The following INHBE variants were observed in gnomAD, a reference collection of about 807,000 sequenced individuals.
The protein encoded by INHBE is inhibin beta E chain.
In INHBE, 19 loss-of-function variants were observed where a neutral mutation model predicts 27.8. That is an observed-to-expected ratio of 0.68 (90% confidence interval 0.48 to 1.00). The LOEUF is 1.00. INHBE is among the 50% of genes least tolerant of loss of function. The probability of loss-of-function intolerance (pLI) is 0.00; values close to 1 mark genes in which losing one functional copy is unlikely to be tolerated. For missense variants in INHBE, 398 were observed against 433.9 expected (o/e 0.92, Z 0.73); for synonymous variants, 196 against 187.2 (o/e 1.05, Z -0.38).
chr12:57,456,332 G>A lies in INHBE; in HGVS notation c.537G>A (p.Arg179=). The A allele has an allele frequency of 1.2e-6, 2 of 1,614,152 alleles. No homozygotes were observed. Among genetic ancestry groups the A allele is most frequent in the Non-Finnish European group, 1.7e-6 (2 of 1,180,030 alleles). ...HTLTLPSSGL[R]GEKSGVLKLQ... is the part of the protein sequence containing the mutation. ...TAACTCTGCCCTCTAGTGGCTTGAG[G>A]GGTGAGAAGTCTGGTGTCCTGAAAC... The change falls in exon 2 of 2, where the codon AGG becomes AGA. Residue 179 remains arginine, a synonymous_variant. Transcript: ENST00000266646.
At position 57,455,636 on chromosome 12, in the gene INHBE, C is replaced by G; in HGVS notation, c.100C>G (p.Leu34Val). The part of the protein sequence containing the change: ...SVCPSCGGSK[L>V]APQAERALVL... ...GTGTCCCTCCTGTGGGGGCTCCAAA[C>G]TGGCACCCCAAGCAGAACGAGCTCT... Residue 34 changes from leucine (L) to valine (V), a missense_variant, in exon 1 of 2, where the codon CTG becomes GTG. Physicochemically the swap from Leu to Val is conservative, Grantham distance 32. Transcript: ENST00000266646. The G allele has an allele frequency of 6.2e-7, 1 of 1,614,082 alleles. No homozygotes were observed. Among genetic ancestry groups the G allele is most frequent in the South Asian group, 1.1e-5 (1 of 91,070 alleles).
At position 57,455,972 on chromosome 12, in the gene INHBE, A is replaced by G. The variant is rs1724704317; in HGVS notation, c.299-122A>G. The G allele has an allele frequency of 6.4e-6, 9 of 1,396,326 alleles. No individual in the cohort carries two copies. The South Asian group carries it at 9.2e-5, about 14-fold the overall frequency. 86.5% of individuals were successfully genotyped at this position (1,396,326 alleles called of 1,614,324 possible). A position where few individuals can be genotyped will look rare whatever the true frequency, so the allele number is the denominator to read the frequency against. Reference sequence around the variant, plus strand: ...GGCAGGGACTGGTTGCAGAGGACACAAAGCAGTCTCTACTTTTCTAGAGGT... The same window carrying G: ...GGCAGGGACTGGTTGCAGAGGACACGAAGCAGTCTCTACTTTTCTAGAGGT... On this transcript the variant is annotated intron_variant, in intron 1 of 1. Transcript: ENST00000266646.
At position 57,456,714 on chromosome 12, in the gene INHBE, C is replaced by A. The variant is rs753750949; in HGVS notation, c.919C>A (p.Pro307Thr). Reference sequence around the variant, plus strand: ...CTTCAGCCTCCTCAAAGCCAACAATCCTTGGCCTGCCAGTACCTCCTGTTG... The same window carrying A: ...CTTCAGCCTCCTCAAAGCCAACAATACTTGGCCTGCCAGTACCTCCTGTTG... Reference protein sequence around the residue: ...AVFSLLKANNPWPASTSCCVP... With the variant: ...AVFSLLKANNTWPASTSCCVP... Residue 307 changes from proline (P) to threonine (T), a missense_variant, in exon 2 of 2, where the codon CCT (proline) becomes ACT (threonine). Transcript: ENST00000266646. 1 of 1,614,240 alleles carries A rather than the reference C, an allele frequency of 6.2e-7. No homozygotes were observed. Among genetic ancestry groups the A allele is most frequent in the South Asian group, 1.1e-5 (1 of 91,086 alleles).
rs769702343 is a variant in INHBE at position 57,456,414 on chromosome 12, C to A, written c.619C>A (p.Arg207=). The change falls in exon 2 of 2, where the codon CGG becomes AGG. Residue 207 remains arginine (R), a synonymous_variant. Transcript: ENST00000266646. ...CAGCACAGTTACTGGACAACCGAGGCGGCTCTTGGACACAGCAGGACACCA... is the reference window on the plus strand; with the variant it reads ...CAGCACAGTTACTGGACAACCGAGGAGGCTCTTGGACACAGCAGGACACCA... ...GNSTVTGQPR[R]LLDTAGHQQP... 3.1e-6 allele frequency: 5 copies of A among 1,614,006 alleles called. No individual in the cohort carries two copies. The African/African-American group carries it at 5.3e-5, about 17-fold the overall frequency.
chr12:57,455,475 A>T lies in INHBE; in HGVS notation c.-62A>T. 6.6e-7 allele frequency: 1 copy of T among 1,512,116 alleles called. No individual in the cohort carries two copies. The allele number at this position is 1,512,116 out of a possible 1,614,324, so 93.7% of individuals were successfully genotyped here. A position where few individuals can be genotyped will look rare whatever the true frequency, so the allele number is the denominator to read the frequency against. On this transcript the variant is annotated 5_prime_UTR_variant, in exon 1 of 2. Coordinates refer to ENST00000266646, the MANE Select transcript of INHBE (RefSeq NM_031479.5). ...GTGCCCTCATTGGCCCCCAGCAATC[A>T]GACTCAACAGACGGAGCAACTGCCA...
intron 1 of INHBE, 32 bp from the exon 2 acceptor site, chr12:57,456,062 C>T (rs368349013): frequency 3.3e-5 from 53 of 1,582,246 alleles, no homozygotes; most frequent in South Asian, 1.8e-4. Flanking sequence ...TCTCTACTCA[C>T]ATTTTCTTTC....
Position 57,456,922 on chromosome 12 carries a change from G to C in INHBE, c.*74G>C, listed in dbSNP as rs1322706755. On this transcript the variant is annotated 3_prime_UTR_variant, in exon 2 of 2. Coordinates refer to ENST00000266646, the MANE Select transcript of INHBE (RefSeq NM_031479.5). ...AGGCACAGGGCATCTGTGACTGGAG[G>C]CATCAGATTCCTGATCCACACCCCA... The C allele has an allele frequency of 3.4e-5, 51 of 1,490,240 alleles. No individual in the cohort carries two copies. The highest frequency in any genetic ancestry group is 4.2e-5 in the Non-Finnish European group (46 of 1,106,862). 92.3% of individuals were successfully genotyped at this position (1,490,240 alleles called of 1,614,324 possible). A position where few individuals can be genotyped will look rare whatever the true frequency, so the allele number is the denominator to read the frequency against.
rs1870841228 is a variant in INHBE, at chr12:57,456,605, G to T, written c.810G>T (p.Gly270=). The T allele has an allele frequency of 6.2e-7, 1 of 1,614,204 alleles. No individual in the cohort carries two copies. Among genetic ancestry groups the T allele is most frequent in the Middle Eastern group, 1.6e-4 (1 of 6,062 alleles). ...GWRDWILQPE[G]YQLNYCSGQC... Reference sequence around the variant, plus strand: ...GGGACTGGATACTGCAGCCCGAGGGGTACCAGCTGAATTACTGCAGTGGGC... The same window carrying T: ...GGGACTGGATACTGCAGCCCGAGGGTTACCAGCTGAATTACTGCAGTGGGC... Residue 270 remains glycine (G), a synonymous_variant, in exon 2 of 2, where the codon GGG becomes GGT. Transcript: ENST00000266646.
Position 57,456,182 on chromosome 12 carries a change from C to G in INHBE, c.387C>G (p.His129Gln). The G allele has an allele frequency of 6.2e-7, 1 of 1,614,086 alleles. No homozygotes were observed. Among genetic ancestry groups the G allele is most frequent in the Non-Finnish European group, 8.5e-7 (1 of 1,180,004 alleles). Residue 129 changes from histidine to glutamine, a missense_variant, in exon 2 of 2, where the codon CAC becomes CAG. Coordinates refer to ENST00000266646, the MANE Select transcript of INHBE (RefSeq NM_031479.5). ...TGTACCATGCCCGCCTGTGGCTGCA[C>G]GTGCTCCCCACCCTTCCTGGCACTC... ...HHLYHARLWLHVLPTLPGTLC... is the reference protein window; with the variant it reads ...HHLYHARLWLQVLPTLPGTLC...
In INHBE at chr12:57,456,551, T is replaced by C; in HGVS notation, c.756T>C (p.His252=). The C allele has an allele frequency of 6.2e-7, 1 of 1,614,112 alleles. No individual in the cohort carries two copies. The highest frequency in any genetic ancestry group is 1.1e-5 in the South Asian group (1 of 91,084). Residue 252 remains histidine (H), a synonymous_variant, in exon 2 of 2, where the codon CAT becomes CAC. Coordinates refer to ENST00000266646, the MANE Select transcript of INHBE (RefSeq NM_031479.5). ...CCCCCTTATGTTGCAGGCGAGACCA[T>C]TACGTAGACTTCCAGGAACTGGGAT... ...PATPLCCRRD[H]YVDFQELGWR...
rs138708295 is a variant in INHBE at position 57,456,686 on chromosome 12, C to T, written c.891C>T (p.Ala297=). The change falls in exon 2 of 2, where the codon GCC becomes GCT. Residue 297 remains alanine, a synonymous_variant. Coordinates refer to ENST00000266646, the MANE Select transcript of INHBE (RefSeq NM_031479.5). ...GCATTGCTGCCTCTTTCCATTCTGC[C>T]GTCTTCAGCCTCCTCAAAGCCAACA... ...SPGIAASFHS[A]VFSLLKANNP... The T allele has an allele frequency of 3.2e-5, 52 of 1,614,092 alleles. 1 individual carries two copies. The East Asian group carries it at 7.3e-4, about 23-fold the overall frequency.
rs773615637 is a variant in INHBE, at chr12:57,456,247, G to A, written c.452G>A (p.Arg151His). 8.1e-6 allele frequency: 13 copies of A among 1,613,938 alleles called. No homozygotes were observed. The highest frequency in any genetic ancestry group is 4.0e-5 in the African/African-American group (3 of 74,878). Residue 151 changes from arginine (R) to histidine (H), a missense_variant, in exon 2 of 2, where the codon CGC (arginine) becomes CAC (histidine). Coordinates refer to ENST00000266646, the MANE Select transcript of INHBE (RefSeq NM_031479.5). ...RIFRWGPRRRRQGSRTLLAEH... is the reference protein window; with the variant it reads ...RIFRWGPRRRHQGSRTLLAEH... ...TTCCGATGGGGACCAAGGAGGAGGC[G>A]CCAAGGGTCCCGCACTCTCCTGGCT...
intron 1 of INHBE, 53 bp from the exon 2 acceptor site, chr12:57,456,041 G>A (rs1870820200): frequency 1.3e-6 from 2 of 1,559,512 alleles, no homozygotes; most frequent in Middle Eastern, 1.7e-4. Context: ...GAGTCTCAGA[G>A]GAGAGCTTCA....
At chr12:57,455,871 AG>A in intron 1 of INHBE, 37 bp downstream of exon 1, 2 of 1,584,766 alleles carry the variant, frequency 1.3e-6, no homozygotes, top group East Asian at 2.2e-5. Flanking sequence ...AAGAGCAGAC[AG>A]GGAAAGGGAG....
chr12:57,456,949 C>A lies in INHBE; in HGVS notation c.*101C>A. ...ATCAGATTCCTGATCCACACCCCAACCCAACAACCACCTGGCAATATGACT... is the reference window on the plus strand; with the variant it reads ...ATCAGATTCCTGATCCACACCCCAAACCAACAACCACCTGGCAATATGACT... On this transcript the variant is annotated 3_prime_UTR_variant, in exon 2 of 2. Coordinates refer to ENST00000266646, the MANE Select transcript of INHBE (RefSeq NM_031479.5). 7.5e-7 allele frequency: 1 copy of A among 1,331,588 alleles called. No homozygotes were observed. Among genetic ancestry groups the A allele is most frequent in the South Asian group, 1.4e-5 (1 of 71,330 alleles). The allele number at this position is 1,331,588 out of a possible 1,614,324, so 82.5% of individuals were successfully genotyped here. A position where few individuals can be genotyped will look rare whatever the true frequency, so the allele number is the denominator to read the frequency against.
At position 57,455,746 on chromosome 12, in the gene INHBE, A is replaced by G. The variant is rs1173405854; in HGVS notation, c.210A>G (p.Ala70=). Residue 70 remains alanine, a synonymous_variant, in exon 1 of 2, where the codon GCA becomes GCG. Coordinates refer to ENST00000266646, the MANE Select transcript of INHBE (RefSeq NM_031479.5). ...GAATAACTCATCCTCCACCCCAGGCAGCGCTGACCAGAGCCCTCCGGAGAC... is the reference window on the plus strand; with the variant it reads ...GAATAACTCATCCTCCACCCCAGGCGGCGCTGACCAGAGCCCTCCGGAGAC... ...RPRITHPPPQ[A]ALTRALRRLQ... is the part of the protein sequence containing the mutation. The G allele has an allele frequency of 6.2e-7, 1 of 1,614,070 alleles. No homozygotes were observed. The highest frequency in any genetic ancestry group is 1.1e-5 in the South Asian group (1 of 91,074).
chr12:57,455,796 G>A lies in INHBE; in HGVS notation c.260G>A (p.Gly87Glu). 6.2e-7 allele frequency: 1 copy of A among 1,614,080 alleles called. No homozygotes were observed. Among genetic ancestry groups the A allele is most frequent in the Non-Finnish European group, 8.5e-7 (1 of 1,179,974 alleles). The change falls in exon 1 of 2, where the codon GGG becomes GAG. Residue 87 changes from glycine (G) to glutamate (E), a missense_variant. Coordinates refer to ENST00000266646, the MANE Select transcript of INHBE (RefSeq NM_031479.5). ...RRLQPGSVAP[G>E]NGEEVISFAT... ...CTACAGCCAGGGAGTGTGGCTCCAG[G>A]GAATGGGGAGGAGGTCATCAGCTTT...
chr12:57,456,323 T>C lies in INHBE; in HGVS notation c.528T>C (p.Ser176=), dbSNP rs1408894834. ...GGCATACCTTAACTCTGCCCTCTAGTGGCTTGAGGGGTGAGAAGTCTGGTG... is the reference window on the plus strand; with the variant it reads ...GGCATACCTTAACTCTGCCCTCTAGCGGCTTGAGGGGTGAGAAGTCTGGTG... ...LGWHTLTLPS[S]GLRGEKSGVL... Residue 176 remains serine (S), a synonymous_variant, in exon 2 of 2, where the codon AGT becomes AGC. Coordinates refer to ENST00000266646, the MANE Select transcript of INHBE (RefSeq NM_031479.5). 1 of 1,613,954 alleles carries C rather than the reference T, an allele frequency of 6.2e-7. No homozygotes were observed. The highest frequency in any genetic ancestry group is 1.3e-5 in the African/African-American group (1 of 74,890).
chr12:57,456,226 G>T lies in INHBE; in HGVS notation c.431G>T (p.Arg144Leu). The change falls in exon 2 of 2, where the codon CGA becomes CTA. Residue 144 changes from arginine to leucine, a missense_variant. By Grantham distance (102) the Arg-to-Leu change is moderately radical (BLOSUM62 -2). Transcript: ENST00000266646. ...LPGTLCLRIF[R>L]WGPRRRRQGS... is the part of the protein sequence containing the mutation. ...GGCACTCTTTGCTTGAGGATCTTCC[G>T]ATGGGGACCAAGGAGGAGGCGCCAA... 1 of 1,614,084 alleles carries T rather than the reference G, an allele frequency of 6.2e-7. No homozygotes were observed. Among genetic ancestry groups the T allele is most frequent in the Non-Finnish European group, 8.5e-7 (1 of 1,180,010 alleles).
Sources: gnomAD v4.1 joint callset for allele counts on GRCh38, gnomAD v4.1.1 for gene constraint, MANE v1.5 for transcripts, NCBI Gene and HGNC (gene_info 2026-07-23, HGNC 2026-07-21) for gene names.